The following KCNQ5 variants were observed in gnomAD, a reference collection of about 807,000 sequenced individuals.
KCNQ5 encodes potassium voltage-gated channel subfamily KQT member 5.
KCNQ5 carries 30 observed loss-of-function variants against 98.2 expected under a neutral mutation model. That is an observed-to-expected ratio of 0.31 (90% CI 0.23 to 0.41). The LOEUF is 0.41. KCNQ5 is among the 10% of genes least tolerant of loss of function. The pLI is 1.00. For missense variants in KCNQ5, 835 were observed against 1,182.5 expected, an observed-to-expected ratio of 0.71 and a Z score of 4.31; for synonymous variants, 458 against 449.4, an observed-to-expected ratio of 1.02 and a Z score of -0.24.
intron 1 of KCNQ5, among the ~76,000 whole-genome samples, chr6:72,939,311 A>G (rs1379343299): frequency 6.6e-6 from 1 of 152,188 alleles, no homozygotes; most frequent in East Asian, 1.9e-4. Flanking sequence ...AACCCACCAC[A>G]GCTGGGGGCT....
intron 2 of KCNQ5, among the ~76,000 whole-genome samples, chr6:73,037,914 CT>C (rs1237842806): frequency 6.6e-6 from 1 of 152,016 alleles, no homozygotes; most frequent in African/African-American, 2.4e-5. Context: ...CCAAAAAAAA[CT>C]TTGCTGAGAT....
At chr6:73,110,383 T>C (rs189332122) in intron 6 of KCNQ5, among the ~76,000 whole-genome samples, 8 of 152,304 alleles carry the variant, frequency 5.3e-5, no homozygotes, top group African/African-American at 1.7e-4. Context: ...ATCTTGTTTT[T>C]ACAAATGTTA....
At chr6:72,742,217 G>A (rs60200264) in intron 1 of KCNQ5, among the ~76,000 whole-genome samples, 1,894 of 152,296 alleles carry the variant, frequency 0.012, 29 homozygotes, top group African/African-American at 0.042. Context: ...GATAGCTTCA[G>A]TATTCTTTAT....
At chr6:73,076,834 A>C (rs1773562961) in intron 3 of KCNQ5, among the ~76,000 whole-genome samples, 1 of 152,182 alleles carries the variant, frequency 6.6e-6, no homozygotes, top group Non-Finnish European at 1.5e-5. Context: ...GCAGGAAAAC[A>C]AGAGAAATGA....
At chr6:73,102,876 C>G (rs1352179382) in intron 5 of KCNQ5, among the ~76,000 whole-genome samples, 1 of 152,118 alleles carries the variant, frequency 6.6e-6, no homozygotes, top group African/African-American at 2.4e-5. Flanking sequence ...AATTTAGCCA[C>G]TATGGAGAAG....
chr6:73,060,642 T>TA (rs1396408082), intron 3 of KCNQ5, among the ~76,000 whole-genome samples: 2 of 152,154 alleles, frequency 1.3e-5, no homozygotes, highest in East Asian at 1.9e-4. Context: ...CAACTCCTAC[T>TA]AAAAAATAGA....
chr6:72,676,167 A>G (rs75145426), intron 1 of KCNQ5, among the ~76,000 whole-genome samples: 117 of 152,338 alleles, frequency 7.7e-4, no homozygotes, highest in African/African-American at 2.7e-3. Context: ...TTCGTACTTC[A>G]TGAAAAAGAC....
In KCNQ5 at chr6:73,154,218, T is replaced by A. The variant is rs550907176; in HGVS notation, c.1469-15528T>A. ...CATTATCTTTTATTTCTATGGGAACTCAGTGAGATGATTTTTCTAACTCTT... is the reference window on the plus strand; with the variant it reads ...CATTATCTTTTATTTCTATGGGAACACAGTGAGATGATTTTTCTAACTCTT... On this transcript the variant is annotated intron_variant, in intron 10 of 13. Transcript: ENST00000370398. Among the ~76,000 whole-genome samples the A allele has an allele frequency of 1.4e-3, 217 of 152,276 alleles. 1 individual carries two copies. The highest frequency in any genetic ancestry group is 5.0e-3 in the African/African-American group (207 of 41,570).
chr6:72,657,400 CTCA>C (rs950709495), intron 1 of KCNQ5, among the ~76,000 whole-genome samples: 7 of 152,054 alleles, frequency 4.6e-5, no homozygotes, highest in African/African-American at 1.7e-4. Context: ...ACAATTTTTT[CTCA>C]TCCTCTATAA....
intron 11 of KCNQ5, among the ~76,000 whole-genome samples, chr6:73,180,337 C>T (rs1406070808): frequency 2.6e-5 from 4 of 152,230 alleles, no homozygotes; most frequent in African/African-American, 9.6e-5. Context: ...GAATCAGTCA[C>T]TTTAGCACTT....
intron 1 of KCNQ5, among the ~76,000 whole-genome samples, chr6:72,973,705 A>G (rs746874897): frequency 5.3e-5 from 8 of 152,216 alleles, no homozygotes; most frequent in African/African-American, 1.2e-4. Flanking sequence ...TACTCTTCCG[A>G]TCAACTGATG....
chr6:73,190,482 C>T (rs1026953980), intron 11 of KCNQ5, 91 bp from the exon 12 acceptor site: 1 of 628,404 alleles, frequency 1.6e-6, no homozygotes, highest in Non-Finnish European at 2.3e-6. Context: ...CTTTTCCCCC[C>T]AGAGTTTCTT....
At chr6:72,645,204 C>CAAAAAAAAA (rs771967081) in intron 1 of KCNQ5, among the ~76,000 whole-genome samples, 5 of 117,134 alleles carry the variant, frequency 4.3e-5, no homozygotes, top group African/African-American at 1.9e-4. Context: ...ACCTTGTCAC[C>CAAAAAAAAA]AAAAAAAAAC....
intron 3 of KCNQ5, chr6:73,055,067 T>C (rs929141978): frequency 6.1e-6 from 4 of 650,828 alleles, no homozygotes; most frequent in Admixed American, 4.2e-5. Context: ...GAGAGCCAAA[T>C]CAAGAATGCT....
intron 1 of KCNQ5, among the ~76,000 whole-genome samples, chr6:72,673,399 G>A (rs1767240095): frequency 6.6e-6 from 1 of 152,132 alleles, no homozygotes; most frequent in South Asian, 2.1e-4. Flanking sequence ...AAAGTAAAAT[G>A]TCCAATTTTT....
At chr6:72,741,090 A>G (rs1317735705) in intron 1 of KCNQ5, among the ~76,000 whole-genome samples, 4 of 152,170 alleles carry the variant, frequency 2.6e-5, no homozygotes, top group Non-Finnish European at 5.9e-5. Flanking sequence ...GAAGTCAATG[A>G]TGTCTTGCCC....
chr6:72,729,941 C>A (rs958124085), intron 1 of KCNQ5, among the ~76,000 whole-genome samples: 2 of 152,094 alleles, frequency 1.3e-5, no homozygotes, highest in Non-Finnish European at 2.9e-5. Flanking sequence ...TGGGAGGAAC[C>A]TTTGAGGCCA....
At chr6:72,880,233 A>G (rs1320662472) in intron 1 of KCNQ5, among the ~76,000 whole-genome samples, 1 of 152,254 alleles carries the variant, frequency 6.6e-6, no homozygotes, top group Non-Finnish European at 1.5e-5. Flanking sequence ...AACAACAGAA[A>G]TTTATTTCTC....
At chr6:73,011,032 A>T (rs1770041142) in intron 2 of KCNQ5, among the ~76,000 whole-genome samples, 1 of 152,090 alleles carries the variant, frequency 6.6e-6, no homozygotes, top group South Asian at 2.1e-4. Context: ...ATTCATATAG[A>T]ATTTTAAAGG....
Sources: allele counts gnomAD v4.1 joint callset (sites outside exome capture counted in the v4.1 genomes callset), GRCh38; gene constraint gnomAD v4.1.1; transcripts MANE v1.5; gene names NCBI Gene and HGNC (gene_info 2026-07-23, HGNC 2026-07-21).